The following MAML2 variants were observed in gnomAD, a reference collection of about 807,000 sequenced individuals.
MAML2 encodes mastermind-like protein 2.
MAML2 carries 22 observed loss-of-function variants against 96.1 expected under a neutral mutation model. The observed-to-expected ratio is 0.23, with a 90% CI of 0.16 to 0.33. The LOEUF (loss-of-function observed/expected upper bound fraction) is 0.33, where lower values mean the gene tolerates loss of function less well. Ranked by LOEUF, MAML2 falls within the 10% of genes least tolerant of loss-of-function variation. The pLI is 1.00. For synonymous variants in MAML2, 561 were observed against 521.3 expected, an observed-to-expected ratio of 1.08 and a Z score of -1.04; for missense variants, 1,367 against 1,392.4, an observed-to-expected ratio of 0.98 and a Z score of 0.29.
intron 2 of MAML2, among the ~76,000 whole-genome samples, chr11:96,021,431 G>A (rs967643707): frequency 6.6e-6 from 1 of 152,226 alleles, no homozygotes; most frequent in African/African-American, 2.4e-5. Context: ...AAGCCTCCTT[G>A]TGGGCTACTC....
intron 1 of MAML2, among the ~76,000 whole-genome samples, chr11:96,171,186 G>A (rs964370962): frequency 2.0e-5 from 3 of 152,134 alleles, no homozygotes; most frequent in Non-Finnish European, 4.4e-5. Context: ...AAAACCATTG[G>A]AGGGAAGAGT....
intron 2 of MAML2, among the ~76,000 whole-genome samples, chr11:96,047,876 C>T (rs1043975501): frequency 3.7e-4 from 49 of 131,582 alleles, no homozygotes; most frequent in African/African-American, 1.3e-3. Context: ...CATGCCACTG[C>T]ACTCCAGCCT....
At chr11:95,991,754 A>G (rs1170868844) in intron 2 of MAML2, 31 bp from the exon 3 acceptor site, 1 of 1,573,344 alleles carries the variant, frequency 6.4e-7, no homozygotes, top group Admixed American at 1.7e-5. Context: ...AGGAAAAGCT[A>G]CTGTGAATTA....
intron 1 of MAML2, among the ~76,000 whole-genome samples, chr11:96,332,680 C>T (rs1455732690): frequency 3.3e-5 from 5 of 152,176 alleles, no homozygotes; most frequent in African/African-American, 7.2e-5. Context: ...TTAAGTAGCA[C>T]GGTGTGGCAA....
At chr11:95,986,912 C>A (rs1857837286) in intron 3 of MAML2, among the ~76,000 whole-genome samples, 1 of 152,138 alleles carries the variant, frequency 6.6e-6, no homozygotes, top group Non-Finnish European at 1.5e-5. Context: ...AAGAGACATT[C>A]TTTTAATATG....
chr11:96,098,792 G>T (rs1859875807), intron 1 of MAML2, among the ~76,000 whole-genome samples: 1 of 152,222 alleles, frequency 6.6e-6, no homozygotes, highest in Non-Finnish European at 1.5e-5. Context: ...GAACGCCTAG[G>T]AACAAGGAAA....
chr11:96,017,430 C>CAAAT (rs1565190625), intron 2 of MAML2, among the ~76,000 whole-genome samples: 1 of 118,416 alleles, frequency 8.4e-6, no homozygotes, highest in African/African-American at 3.1e-5. Flanking sequence ...TTCCATAAAA[C>CAAAT]AAATACATTT....
At chr11:96,163,477 G>C (rs1340055073) in intron 1 of MAML2, among the ~76,000 whole-genome samples, 17 of 152,142 alleles carry the variant, frequency 1.1e-4, no homozygotes, top group Admixed American at 1.1e-3. Flanking sequence ...AAATAACCCT[G>C]GAGATCAACC....
At chr11:96,071,196 C>A (rs148499531) in intron 2 of MAML2, among the ~76,000 whole-genome samples, 2 of 152,268 alleles carry the variant, frequency 1.3e-5, no homozygotes, top group African/African-American at 4.8e-5. Flanking sequence ...TGGAGCTTCC[C>A]GAGGAAATAA....
chr11:96,317,852 A>G (rs73531161), intron 1 of MAML2, among the ~76,000 whole-genome samples: 4,979 of 152,294 alleles, frequency 0.033, 278 homozygotes, highest in African/African-American at 0.11. Context: ...TGCAGAGCAT[A>G]TTCAACAGGA....
At chr11:96,048,862 A>T (rs1392758219) in intron 2 of MAML2, among the ~76,000 whole-genome samples, 1 of 152,238 alleles carries the variant, frequency 6.6e-6, no homozygotes, top group African/African-American at 2.4e-5. Context: ...GCCAATTGCA[A>T]ATTCTTTCGT....
intron 1 of MAML2, among the ~76,000 whole-genome samples, chr11:96,240,512 CTGCAG>C (rs1434572434): frequency 7.8e-6 from 1 of 127,412 alleles, no homozygotes; most frequent in Non-Finnish European, 1.6e-5. Flanking sequence ...GATTGCGCCA[CTGCAG>C]TCCGCAGTCC....
At chr11:96,226,850 C>T (rs1272439382) in intron 1 of MAML2, among the ~76,000 whole-genome samples, 1 of 152,040 alleles carries the variant, frequency 6.6e-6, no homozygotes, top group Non-Finnish European at 1.5e-5. Flanking sequence ...CAGATGTAGC[C>T]CTTATTCCCC....
intron 2 of MAML2, among the ~76,000 whole-genome samples, chr11:96,075,661 G>A (rs372091243): frequency 1.1e-4 from 17 of 152,238 alleles, no homozygotes; most frequent in Non-Finnish European, 2.4e-4. Context: ...GCTAGGGGAA[G>A]TCGGGTGGGG....
At chr11:96,058,944 TG>T (rs1484386057) in intron 2 of MAML2, among the ~76,000 whole-genome samples, 1 of 152,202 alleles carries the variant, frequency 6.6e-6, no homozygotes, top group Non-Finnish European at 1.5e-5. Flanking sequence ...TAGCTAGGCA[TG>T]GTGGTGCACA....
intron 1 of MAML2, among the ~76,000 whole-genome samples, chr11:96,325,037 G>A (rs1863755521): frequency 6.6e-6 from 1 of 152,112 alleles, no homozygotes; most frequent in African/African-American, 2.4e-5. Context: ...TCTTGTTTCA[G>A]CCTCTCTTAT....
rs555648060 is a variant in MAML2 at position 96,254,847 on chromosome 11, G to T, written c.513+86536C>A. Among the ~76,000 whole-genome samples the T allele has an allele frequency of 1.3e-3, 200 of 152,196 alleles. 1 individual carries two copies. The highest frequency in any genetic ancestry group is 2.1e-3 in the Non-Finnish European group (143 of 68,002). ...TTTTTTATTTATTTTTTGAGACAGG[G>T]TCTCACTGTGTCACCCAGGCTGGAG... On this transcript the variant is annotated intron_variant, in intron 1 of 4. Transcript: ENST00000524717.
intron 1 of MAML2, among the ~76,000 whole-genome samples, chr11:96,291,960 GTGAGTCTCCATT>G (rs1863219065): frequency 1.3e-5 from 2 of 152,172 alleles, no homozygotes; most frequent in African/African-American, 4.8e-5. Flanking sequence ...TATGCAGCAT[GTGAGTCTCCATT>G]TGAACAATCA....
At chr11:96,142,639 G>C (rs1373949100) in intron 1 of MAML2, among the ~76,000 whole-genome samples, 1 of 152,160 alleles carries the variant, frequency 6.6e-6, no homozygotes, top group African/African-American at 2.4e-5. Flanking sequence ...TTATACTAAA[G>C]AAAGTATTGC....
Sources: allele counts gnomAD v4.1 joint callset (sites outside exome capture counted in the v4.1 genomes callset), GRCh38; gene constraint gnomAD v4.1.1; transcripts MANE v1.5; gene names NCBI Gene and HGNC (gene_info 2026-07-23, HGNC 2026-07-21).